NTM: variants seen among roughly 807,000 people sequenced by gnomAD.
NTM encodes neurotrimin.
A neutral mutation model predicts 42.1 loss-of-function variants in NTM; 13 were observed. The ratio of observed to expected loss-of-function variants is 0.31; its 90% CI spans 0.20 to 0.49. NTM has a LOEUF of 0.49. Ranked by LOEUF, NTM falls within the 20% of genes least tolerant of loss-of-function variation. NTM has a pLI of 0.99. For missense variants in NTM, 373 were observed against 452.8 expected (o/e 0.82, Z 1.60); for synonymous variants, 187 against 179.2 (o/e 1.04, Z -0.35).
At chr11:132,129,195 A>G (rs989422852) in intron 2 of NTM, among the ~76,000 whole-genome samples, 3 of 152,166 alleles carry the variant, frequency 2.0e-5, no homozygotes, top group African/African-American at 7.2e-5. Context: ...AGGTGGCTGT[A>G]TAGGGACTTG....
rs780844735 is a variant in NTM at position 132,107,339 on chromosome 11, C to CTTTT, written c.168-38917_168-38914dup. Among the ~76,000 whole-genome samples the CTTTT allele has an allele frequency of 5.3e-4, 47 of 88,862 alleles. 7 individuals are homozygous for CTTTT. The highest frequency in any genetic ancestry group is 2.0e-3 in the African/African-American group (40 of 19,992). 58.3% of individuals were successfully genotyped at this position (88,862 alleles called of 152,430 possible). A position where few individuals can be genotyped will look rare whatever the true frequency, so the allele number is the denominator to read the frequency against. ...TGGTAGTTCAAGTAAAAGATTTATC[C>CTTTT]TTTTTTTTTTTTTTTTTTTTTTTTT... On this transcript the variant is annotated intron_variant, in intron 2 of 8. Transcript: ENST00000683400.
intron 1 of NTM, among the ~76,000 whole-genome samples, chr11:131,685,516 C>G (rs189958892): frequency 6.6e-6 from 1 of 152,184 alleles, no homozygotes; most frequent in African/African-American, 2.4e-5. Context: ...GTCCCCTGTA[C>G]GCCAAGCACA....
At position 131,505,500 on chromosome 11, in the gene NTM, A is replaced by G. The variant is rs180915744; in HGVS notation, c.82+134612A>G. On this transcript the variant is annotated intron_variant, in intron 1 of 8. Coordinates refer to ENST00000683400, the MANE Select transcript of NTM (RefSeq NM_001352005.2). ...TTTTAACAAGATTCCCAAGATGTTG[A>G]AAGTGACATCCTGCGATTATTTACC... 7.2e-5 allele frequency among the ~76,000 whole-genome samples: 11 copies of G among 152,306 alleles called. No individual in the cohort carries two copies. The East Asian group carries it at 2.1e-3, about 29-fold the overall frequency.
At chr11:131,905,418 C>G (rs151117413) in intron 1 of NTM, among the ~76,000 whole-genome samples, 188 of 152,228 alleles carry the variant, frequency 1.2e-3, no homozygotes, top group African/African-American at 4.4e-3. Context: ...GTATGAGCAC[C>G]GTCTGAGGCT....
intron 1 of NTM, among the ~76,000 whole-genome samples, chr11:131,612,756 G>A (rs1400550591): frequency 1.3e-5 from 2 of 152,220 alleles, no homozygotes; most frequent in African/African-American, 2.4e-5. Context: ...AGTTGGCCCA[G>A]CCACACCAGT....
At chr11:131,689,362 G>T (rs1177975817) in intron 1 of NTM, among the ~76,000 whole-genome samples, 3 of 152,380 alleles carry the variant, frequency 2.0e-5, no homozygotes, top group Admixed American at 2.0e-4. Context: ...CTCAGGAGGG[G>T]CTGGAAGGAC....
chr11:131,972,787 A>G (rs1377811747), intron 2 of NTM, among the ~76,000 whole-genome samples: 3 of 152,168 alleles, frequency 2.0e-5, no homozygotes. Context: ...TTAAAGATAA[A>G]AAAGAGTGCC....
intron 4 of NTM, among the ~76,000 whole-genome samples, chr11:132,285,595 C>G (rs913378492): frequency 2.0e-5 from 3 of 152,266 alleles, no homozygotes; most frequent in East Asian, 3.9e-4. Context: ...CGGGCACCAC[C>G]CATTACACTT....
At chr11:132,169,278 C>T (rs1269464433) in intron 3 of NTM, among the ~76,000 whole-genome samples, 1 of 142,600 alleles carries the variant, frequency 7.0e-6, no homozygotes, top group Non-Finnish European at 1.5e-5. Flanking sequence ...CATTCTCAAC[C>T]AGTCATATTA....
Position 132,026,801 on chromosome 11 carries a change from G to T in NTM, c.167+115153G>T, listed in dbSNP as rs369716506. 2.0e-5 allele frequency among the ~76,000 whole-genome samples: 3 copies of T among 152,212 alleles called. No homozygotes were observed. The South Asian group carries it at 6.2e-4, about 31-fold the overall frequency. ...CTTCTCACTTTGCAAGAAGGGAACGGTATTGAGGATTGTGGGACTGGTTTG... is the reference window on the plus strand; with the variant it reads ...CTTCTCACTTTGCAAGAAGGGAACGTTATTGAGGATTGTGGGACTGGTTTG... On this transcript the variant is annotated intron_variant, in intron 2 of 8. Coordinates refer to ENST00000683400, the MANE Select transcript of NTM (RefSeq NM_001352005.2).
At chr11:132,327,662 G>A (rs370599810) in intron 7 of NTM, among the ~76,000 whole-genome samples, 2 of 152,174 alleles carry the variant, frequency 1.3e-5, no homozygotes, top group African/African-American at 4.8e-5. Context: ...CAGCCAAACT[G>A]GCTTTGCTGG....
intron 1 of NTM, among the ~76,000 whole-genome samples, chr11:131,463,218 T>G (rs1281872180): frequency 6.6e-6 from 1 of 152,202 alleles, no homozygotes; most frequent in Non-Finnish European, 1.5e-5. Flanking sequence ...GATTGTAGGA[T>G]CTGAGCACAA....
chr11:131,910,450 T>A (rs2054573575), intron 1 of NTM, among the ~76,000 whole-genome samples: 1 of 149,360 alleles, frequency 6.7e-6, no homozygotes, highest in Admixed American at 6.7e-5. Context: ...CGGCGGGGGT[T>A]AAGGTGGGCG....
intron 1 of NTM, among the ~76,000 whole-genome samples, chr11:131,554,542 C>G (rs2055133811): frequency 1.5e-5 from 2 of 131,508 alleles, no homozygotes; most frequent in Non-Finnish European, 3.2e-5. Flanking sequence ...ACACACACAT[C>G]TACAAAAAAA....
intron 1 of NTM, among the ~76,000 whole-genome samples, chr11:131,879,314 C>T (rs1319900181): frequency 2.0e-5 from 3 of 152,162 alleles, no homozygotes; most frequent in Admixed American, 6.5e-5. Flanking sequence ...GGAAGCACAG[C>T]GTCCACCCGT....
intron 2 of NTM, among the ~76,000 whole-genome samples, chr11:132,088,569 C>A (rs1443909046): frequency 1.3e-5 from 2 of 152,154 alleles, no homozygotes; most frequent in African/African-American, 4.8e-5. Flanking sequence ...TACCAGGCCA[C>A]CACATACGAG....
chr11:131,778,631 A>G (rs2087489861), intron 1 of NTM, among the ~76,000 whole-genome samples: 1 of 152,256 alleles, frequency 6.6e-6, no homozygotes, highest in South Asian at 2.1e-4. Flanking sequence ...CATAAAAACT[A>G]GCTCTAGCAT....
intron 1 of NTM, chr11:131,794,478 G>T: frequency 2.0e-6 from 2 of 985,218 alleles, no homozygotes; most frequent in African/African-American, 3.5e-5. Flanking sequence ...CCCACCCGCC[G>T]TTTACTACTT....
chr11:131,853,897 A>G (rs1425149936), intron 1 of NTM, among the ~76,000 whole-genome samples: 6 of 152,180 alleles, frequency 3.9e-5, no homozygotes, highest in African/African-American at 7.2e-5. Flanking sequence ...CAACCTTGCC[A>G]GCATCTGCTG....
Sources: allele counts gnomAD v4.1 joint callset (sites outside exome capture counted in the v4.1 genomes callset), GRCh38; gene constraint gnomAD v4.1.1; transcripts MANE v1.5; gene names NCBI Gene and HGNC (gene_info 2026-07-23, HGNC 2026-07-21).